Variants in SLC14A2 observed in about 807,000 individuals in gnomAD.
The protein encoded by SLC14A2 is solute carrier family 14 member 2.
SLC14A2 carries 91 observed loss-of-function variants against 104.6 expected under a neutral mutation model. The observed-to-expected ratio is 0.87, with a 90% CI of 0.73 to 1.04. The LOEUF (loss-of-function observed/expected upper bound fraction) is 1.04. Among genes scored for constraint, SLC14A2 ranks in the 50% least tolerant of loss-of-function variants. The pLI is 0.00. For synonymous variants in SLC14A2, 476 were observed against 466.4 expected (o/e 1.02, Z -0.27); for missense variants, 1,189 against 1,156.0 (o/e 1.03, Z -0.41).
intron 1 of SLC14A2, among the ~76,000 whole-genome samples, chr18:45,455,309 G>A (rs996532609): frequency 9.2e-5 from 14 of 152,166 alleles, no homozygotes; most frequent in Non-Finnish European, 7.3e-5. Flanking sequence ...GGAATACTAT[G>A]CAGCCATAAA....
At chr18:45,185,642 A>G in the SLC14A2 span, among the ~76,000 whole-genome samples, 2 of 152,328 alleles carry the variant, frequency 1.3e-5, no homozygotes, top group East Asian at 1.9e-4. Context: ...AGTTCTAGCC[A>G]GTGAAATATG....
At chr18:45,350,381 C>T (rs2085490972) in intron 1 of SLC14A2, among the ~76,000 whole-genome samples, 1 of 152,194 alleles carries the variant, frequency 6.6e-6, no homozygotes, top group Non-Finnish European at 1.5e-5. Context: ...CAAACACACT[C>T]ATAGCTCAAG....
chr18:45,373,824 G>A (rs1227949017), intron 1 of SLC14A2, among the ~76,000 whole-genome samples: 1 of 152,130 alleles, frequency 6.6e-6, no homozygotes, highest in African/African-American at 2.4e-5. Context: ...CTAATAGGTA[G>A]GTGAAAGAGC....
At chr18:45,191,136 C>T in the SLC14A2 span, among the ~76,000 whole-genome samples, 36,204 of 151,908 alleles carry the variant, frequency 0.24, 4,594 homozygotes, top group Non-Finnish European at 0.3. Context: ...TTCCCCAAGC[C>T]ACATTCTATA....
intron 2 of SLC14A2, among the ~76,000 whole-genome samples, chr18:45,507,983 G>A (rs1000587982): frequency 1.3e-5 from 2 of 152,194 alleles, no homozygotes; most frequent in South Asian, 4.1e-4. Flanking sequence ...AGCCTGCCAG[G>A]TACCACTCCA....
chr18:45,288,854 T>C (rs2084841668), intron 1 of SLC14A2, among the ~76,000 whole-genome samples: 1 of 152,196 alleles, frequency 6.6e-6, no homozygotes, highest in African/African-American at 2.4e-5. Context: ...GGGCTAGAGG[T>C]GTCCCTAATC....
chr18:45,574,423 TTGAGC>T (rs1364873931), intron 2 of SLC14A2, among the ~76,000 whole-genome samples: 3 of 152,210 alleles, frequency 2.0e-5, no homozygotes, highest in African/African-American at 7.2e-5. Flanking sequence ...TTGCTGACTC[TTGAGC>T]TGAGGTGGTT....
intron 1 of SLC14A2, among the ~76,000 whole-genome samples, chr18:45,459,237 G>A (rs760260843): frequency 6.6e-6 from 1 of 152,208 alleles, no homozygotes; most frequent in Non-Finnish European, 1.5e-5. Flanking sequence ...GAGTCTTAGG[G>A]TGGAGACAGA....
chr18:45,571,432 C>T (rs4890549), intron 2 of SLC14A2, among the ~76,000 whole-genome samples: 1 of 152,250 alleles, frequency 6.6e-6, no homozygotes, highest in Admixed American at 6.5e-5. Context: ...ACAAAGCCCT[C>T]TAGTTCTCCT....
intron 1 of SLC14A2, among the ~76,000 whole-genome samples, chr18:45,278,321 G>C (rs2084725177): frequency 6.6e-6 from 1 of 152,130 alleles, no homozygotes; most frequent in Non-Finnish European, 1.5e-5. Context: ...ATTTTTTGTT[G>C]TGAGAATCTG....
intron 1 of SLC14A2, among the ~76,000 whole-genome samples, chr18:45,327,548 A>G (rs1281692207): frequency 6.6e-6 from 1 of 152,184 alleles, no homozygotes; most frequent in African/African-American, 2.4e-5. Flanking sequence ...TCTCCTCTGC[A>G]TTACAGTCCC....
chr18:45,199,577 C>T, the SLC14A2 span, among the ~76,000 whole-genome samples: 1 of 152,104 alleles, frequency 6.6e-6, no homozygotes, highest in Non-Finnish European at 1.5e-5. Context: ...CATTTTAAAA[C>T]TTATTTTCAG....
At chr18:45,240,547 T>C (rs978469720) in intron 1 of SLC14A2, among the ~76,000 whole-genome samples, 3 of 152,164 alleles carry the variant, frequency 2.0e-5, no homozygotes, top group Admixed American at 6.5e-5. Flanking sequence ...TTCTAAATAC[T>C]GCTATTATAC....
intron 1 of SLC14A2, among the ~76,000 whole-genome samples, chr18:45,284,304 C>A (rs1339244560): frequency 6.6e-6 from 1 of 152,142 alleles, no homozygotes; most frequent in Non-Finnish European, 1.5e-5. Context: ...TACCTTGTTT[C>A]CCAGATTTCC....
At chr18:45,539,003 C>T (rs2043843845) in intron 2 of SLC14A2, among the ~76,000 whole-genome samples, 1 of 151,886 alleles carries the variant, frequency 6.6e-6, no homozygotes, top group Non-Finnish European at 1.5e-5. Flanking sequence ...CTGTGTAAAG[C>T]CTATAAAGGT....
chr18:45,536,459 C>T lies in SLC14A2; in HGVS notation c.-35+53137C>T, dbSNP rs115138281. Reference sequence around the variant, plus strand: ...CCTCTGTCTGGCTTCTGCTGATGGCCGGCAGTCCTTGGTGTCTGTTGGCTT... The same window carrying T: ...CCTCTGTCTGGCTTCTGCTGATGGCTGGCAGTCCTTGGTGTCTGTTGGCTT... On this transcript the variant is annotated intron_variant, in intron 2 of 20. Transcript: ENST00000586448. Among the ~76,000 whole-genome samples the T allele has an allele frequency of 2.7e-3, 417 of 152,262 alleles. 3 individuals are homozygous for T. The highest frequency in any genetic ancestry group is 9.0e-3 in the African/African-American group (374 of 41,556).
At chr18:45,567,882 G>T (rs1443660571) in intron 2 of SLC14A2, among the ~76,000 whole-genome samples, 1 of 152,212 alleles carries the variant, frequency 6.6e-6, no homozygotes, top group Non-Finnish European at 1.5e-5. Context: ...TCTTTCAGGA[G>T]AAGATGGTGA....
chr18:45,537,032 TCCCTCCCTCCCTCCCTC>T, intron 2 of SLC14A2, among the ~76,000 whole-genome samples: 1 of 27,014 alleles, frequency 3.7e-5, no homozygotes, highest in South Asian at 2.3e-3. Context: ...CCTCCCTCCC[TCCCTCCCTCCCTCCCTC>T]CCTCCCTCCC....
intron 2 of SLC14A2, chr18:45,549,942 ATTCCTAGT>A (rs1369524702): frequency 6.6e-6 from 1 of 151,716 alleles, no homozygotes; most frequent in African/African-American, 2.4e-5. Context: ...ATATCTCCCA[ATTCCTAGT>A]TTCCAAATGT....
Sources: gnomAD v4.1 joint callset for allele counts (sites outside exome capture counted in the v4.1 genomes callset) on GRCh38, gnomAD v4.1.1 for gene constraint, MANE v1.5 for transcripts, NCBI Gene and HGNC (gene_info 2026-07-23, HGNC 2026-07-21) for gene names.